TFAP2E: variants seen among roughly 807,000 people sequenced by gnomAD.
TFAP2E encodes the protein transcription factor AP-2 epsilon.
TFAP2E carries 30 observed loss-of-function variants against 37.9 expected under a neutral mutation model. That is an observed-to-expected ratio of 0.79 (90% confidence interval 0.59 to 1.07). The LOEUF is 1.07. TFAP2E is among the 50% of genes least tolerant of loss of function. The pLI is 0.00. For missense variants in TFAP2E, 567 were observed against 637.9 expected (o/e 0.89, Z 1.20); for synonymous variants, 318 against 295.8 (o/e 1.08, Z -0.77).
At chr1:35,583,807 C>T (rs148233135) in intron 3 of TFAP2E, among the ~76,000 whole-genome samples, 3 of 152,184 alleles carry the variant, frequency 2.0e-5, no homozygotes, top group Non-Finnish European at 4.4e-5. Flanking sequence ...CTTCTGTGAC[C>T]GACCTGCTTC....
intron 3 of TFAP2E, among the ~76,000 whole-genome samples, chr1:35,584,682 C>T (rs1649436779): frequency 1.3e-5 from 2 of 151,930 alleles, no homozygotes; most frequent in Admixed American, 6.6e-5. Flanking sequence ...GGACTGCAGG[C>T]ATGTGCAATC....
At chr1:35,591,044 C>T (rs1471325332) in intron 6 of TFAP2E, among the ~76,000 whole-genome samples, 1 of 152,118 alleles carries the variant, frequency 6.6e-6, no homozygotes, top group Non-Finnish European at 1.5e-5. Context: ...GAGCAGTGAG[C>T]ACACACACGT....
rs1253866026 is a variant in TFAP2E at position 35,590,878 on chromosome 1, C to T, written c.1046+103C>T. ...ACTGTGTACATGAGCAGTGGGCACA[C>T]ATGCGTATTTGCGCACCACTGTGTA... On this transcript the variant is annotated intron_variant, in intron 6 of 6. Coordinates refer to ENST00000373235, the MANE Select transcript of TFAP2E (RefSeq NM_178548.4). The surrounding 1 kb of genome is among the most constrained non-coding windows in gnomAD (Gnocchi z 6.2). 8.0e-7 allele frequency: 1 copy of T among 1,248,478 alleles called. No homozygotes were observed. The highest frequency in any genetic ancestry group is 1.5e-5 in the African/African-American group (1 of 65,568). 77.3% of individuals were successfully genotyped at this position (1,248,478 alleles called of 1,614,324 possible). A position where few individuals can be genotyped will look rare whatever the true frequency, so the allele number is the denominator to read the frequency against.
intron 3 of TFAP2E, among the ~76,000 whole-genome samples, chr1:35,580,134 C>A (rs184384699): frequency 6.6e-6 from 1 of 152,028 alleles, no homozygotes; most frequent in African/African-American, 2.4e-5. Flanking sequence ...CGCTTGAACC[C>A]GGGAGGCGGA....
chr1:35,576,152 G>T (rs557494133), intron 3 of TFAP2E, among the ~76,000 whole-genome samples: 1 of 152,372 alleles, frequency 6.6e-6, no homozygotes, highest in South Asian at 2.1e-4. Context: ...CCCTCCACTT[G>T]TTCTCAGGGG....
intron 3 of TFAP2E, among the ~76,000 whole-genome samples, chr1:35,586,213 A>G (rs764275812): frequency 1.8e-4 from 28 of 152,330 alleles, no homozygotes; most frequent in Middle Eastern, 3.4e-3. Context: ...CCATTGTAAC[A>G]TGATGGTTAA....
chr1:35,585,674 A>G (rs2148550642), intron 3 of TFAP2E, among the ~76,000 whole-genome samples: 1 of 152,326 alleles, frequency 6.6e-6, no homozygotes. Context: ...ATATTGGGCT[A>G]AATAAAATAT....
chr1:35,582,584 C>G (rs1649380099), intron 3 of TFAP2E, among the ~76,000 whole-genome samples: 1 of 149,304 alleles, frequency 6.7e-6, no homozygotes, highest in African/African-American at 2.5e-5. Flanking sequence ...TTCCAGTGAT[C>G]CTCCTGTCTT....
chr1:35,587,653 AAAAGAAAG>A (rs1553121944), intron 3 of TFAP2E, among the ~76,000 whole-genome samples: 1 of 147,722 alleles, frequency 6.8e-6, no homozygotes, highest in African/African-American at 2.6e-5. Flanking sequence ...AAAAAAAAAA[AAAAGAAAG>A]AAAGAAAGAA....
chr1:35,581,139 G>A (rs942240255), intron 3 of TFAP2E, among the ~76,000 whole-genome samples: 2 of 152,128 alleles, frequency 1.3e-5, no homozygotes, highest in Non-Finnish European at 2.9e-5. Context: ...TGCATCAAGC[G>A]TCTTTTGCTT....
intron 3 of TFAP2E, among the ~76,000 whole-genome samples, chr1:35,581,262 C>T (rs1557434874): frequency 6.6e-6 from 1 of 152,290 alleles, no homozygotes; most frequent in East Asian, 1.9e-4. Flanking sequence ...TCATAGTATG[C>T]CATTGTACGG....
intron 3 of TFAP2E, among the ~76,000 whole-genome samples, chr1:35,578,428 G>GAAA (rs58170344): frequency 1.1e-4 from 15 of 132,286 alleles, no homozygotes; most frequent in Admixed American, 7.6e-4. Context: ...CTCCGTCTCG[G>GAAA]AAAAAAAAAA....
chr1:35,588,492 A>T lies in TFAP2E; in HGVS notation c.725A>T (p.Gln242Leu), dbSNP rs1394886048. 6.2e-7 allele frequency: 1 copy of T among 1,607,992 alleles called. No individual in the cohort carries two copies. The highest frequency in any genetic ancestry group is 1.7e-5 in the Admixed American group (1 of 59,984). The change falls in exon 4 of 7, where the codon CAG becomes CTG. Residue 242 changes from glutamine to leucine, a missense_variant. Gln to Leu is a moderately radical substitution (Grantham distance 113, BLOSUM62 -2). Coordinates refer to ENST00000373235, the MANE Select transcript of TFAP2E (RefSeq NM_178548.4). This position sits in a 1 kb window ranked among gnomAD's most constrained non-coding sequence, Gnocchi z 5.1. ...TACAAGGTGACGGTGGGGGAGGTGC[A>T]GCGGCGACTCTCGCCTCCCGAGTGC... ...SKYKVTVGEVQRRLSPPECLN... is the reference protein window; with the variant it reads ...SKYKVTVGEVLRRLSPPECLN...
At position 35,594,604 on chromosome 1, in the gene TFAP2E, G is replaced by A. The variant is rs781598387; in HGVS notation, c.1257G>A (p.Met419Ile). 11 of 1,614,130 alleles carry A rather than the reference G, an allele frequency of 6.8e-6. No homozygotes were observed. Among genetic ancestry groups the A allele is most frequent in the Non-Finnish European group, 8.5e-6 (10 of 1,180,050 alleles). ...LLESLKGLDK[M>I]FLSSVGSGHG... ...AGTCACTCAAGGGGCTGGACAAGAT[G>A]TTTCTAAGCAGTGTGGGCAGTGGGC... The change falls in exon 7 of 7, where the codon ATG becomes ATA. Residue 419 changes from methionine (M) to isoleucine (I), a missense_variant. Coordinates refer to ENST00000373235, the MANE Select transcript of TFAP2E (RefSeq NM_178548.4).
intron 6 of TFAP2E, among the ~76,000 whole-genome samples, chr1:35,594,054 G>C (rs1649759901): frequency 6.6e-6 from 1 of 152,182 alleles, no homozygotes; most frequent in Admixed American, 6.5e-5. Flanking sequence ...GTGAAGCATT[G>C]AGTGTTTGGG....
At chr1:35,578,241 G>T (rs1209230582) in intron 3 of TFAP2E, among the ~76,000 whole-genome samples, 1 of 152,094 alleles carries the variant, frequency 6.6e-6, no homozygotes, top group Non-Finnish European at 1.5e-5. Context: ...TCCTCTCCCT[G>T]TGGAAAAGCC....
chr1:35,583,460 G>C (rs1220593990), intron 3 of TFAP2E, among the ~76,000 whole-genome samples: 1 of 152,084 alleles, frequency 6.6e-6, no homozygotes, highest in Non-Finnish European at 1.5e-5. Flanking sequence ...TTTTCTTCTA[G>C]AAAAAACTTG....
At position 35,577,644 on chromosome 1, in the gene TFAP2E, C is replaced by G; in HGVS notation, c.562+2644C>G. ...TGCAGCCTCAGCCCCACCCCAGAAG[C>G]GGCCTTCGCATCGCTGCGGTGGGCG... On this transcript the variant is annotated intron_variant, in intron 3 of 6. Coordinates refer to ENST00000373235, the MANE Select transcript of TFAP2E (RefSeq NM_178548.4). This position sits in a 1 kb window ranked among gnomAD's most constrained non-coding sequence, Gnocchi z 6.3. 1 of 313,098 alleles carries G rather than the reference C, an allele frequency of 3.2e-6. No individual in the cohort carries two copies. Among genetic ancestry groups the G allele is most frequent in the Non-Finnish European group, 6.5e-6 (1 of 153,812 alleles). The allele number at this position is 313,098 out of a possible 1,614,324, so 19.4% of individuals were successfully genotyped here.
intron 3 of TFAP2E, among the ~76,000 whole-genome samples, chr1:35,585,821 G>C (rs1649464504): frequency 6.6e-6 from 1 of 152,188 alleles, no homozygotes; most frequent in East Asian, 1.9e-4. Context: ...AAGGCAGGCA[G>C]GTGGATAGCT....
Sources: allele counts gnomAD v4.1 joint callset (sites outside exome capture counted in the v4.1 genomes callset), GRCh38; gene constraint gnomAD v4.1.1; non-coding constraint Gnocchi (gnomAD v3.1); transcripts MANE v1.5; gene names NCBI Gene and HGNC (gene_info 2026-07-23, HGNC 2026-07-21).